RABEP1: variants seen among roughly 807,000 people sequenced by gnomAD.
RABEP1 encodes rab GTPase-binding effector protein 1.
RABEP1 carries 51 observed loss-of-function variants against 123.4 expected under a neutral mutation model. That is an observed-to-expected ratio of 0.41 (90% CI 0.33 to 0.52). RABEP1 has a LOEUF of 0.52. Among genes scored for constraint, RABEP1 ranks in the 20% least tolerant of loss-of-function variants. RABEP1 has a pLI of 0.16. For missense variants in RABEP1, 888 were observed against 996.3 expected (o/e 0.89, Z 1.46); for synonymous variants, 347 against 355.2 (o/e 0.98, Z 0.26).
chr17:5,339,504 G>C (rs1567532187), intron 5 of RABEP1, among the ~76,000 whole-genome samples: 2 of 151,994 alleles, frequency 1.3e-5, no homozygotes, highest in Admixed American at 6.6e-5. Context: ...GTGAGACTCT[G>C]TCTTAAAAGA....
intron 9 of RABEP1, 57 bp from the exon 10 acceptor site, chr17:5,362,855 C>T: frequency 1.7e-6 from 2 of 1,145,940 alleles, no homozygotes; most frequent in Non-Finnish European, 2.6e-6. Flanking sequence ...ACGTGTACCT[C>T]AAGTGTGTGA....
At chr17:5,335,937 A>G (rs1907037679) in intron 4 of RABEP1, among the ~76,000 whole-genome samples, 1 of 151,952 alleles carries the variant, frequency 6.6e-6, no homozygotes, top group South Asian at 2.1e-4. Flanking sequence ...TTTAGAATAG[A>G]TGTTAGTTTT....
chr17:5,377,590 G>T (rs911261653), intron 14 of RABEP1, among the ~76,000 whole-genome samples: 2 of 145,716 alleles, frequency 1.4e-5, no homozygotes, highest in East Asian at 2.0e-4. Flanking sequence ...GCAATGGCGC[G>T]ATCTTGGCTC....
intron 6 of RABEP1, among the ~76,000 whole-genome samples, chr17:5,347,914 A>T (rs1294351633): frequency 6.6e-6 from 1 of 152,220 alleles, no homozygotes; most frequent in African/African-American, 2.4e-5. Context: ...AAAGTATCCG[A>T]GAAGGTTAAT....
intron 1 of RABEP1, 58 bp downstream of exon 1, chr17:5,282,578 G>C (rs1284529319): frequency 9.1e-7 from 1 of 1,100,194 alleles, no homozygotes; most frequent in Non-Finnish European, 1.1e-6. Flanking sequence ...TCGGCGTCGC[G>C]GGAGGATTTC....
intron 4 of RABEP1, among the ~76,000 whole-genome samples, chr17:5,337,327 C>T (rs776050586): frequency 1.3e-5 from 2 of 152,140 alleles, no homozygotes; most frequent in Non-Finnish European, 2.9e-5. Flanking sequence ...AAAATGTAAT[C>T]AGCCCTTTCA....
chr17:5,365,266 C>T (rs533929834), intron 11 of RABEP1, 28 bp downstream of exon 11: 1 of 1,405,286 alleles, frequency 7.1e-7, no homozygotes, highest in South Asian at 1.4e-5. Context: ...GACTGTGGCC[C>T]ATGAGGGATG....
intron 3 of RABEP1, among the ~76,000 whole-genome samples, chr17:5,334,050 G>GTT (rs574483910): frequency 1.9e-4 from 26 of 138,754 alleles, no homozygotes; most frequent in Non-Finnish European, 2.2e-4. Context: ...TTACCTAGTG[G>GTT]TTTTTTTTTT....
At chr17:5,319,479 G>A (rs2075332539) in intron 2 of RABEP1, among the ~76,000 whole-genome samples, 1 of 151,688 alleles carries the variant, frequency 6.6e-6, no homozygotes. Context: ...TGATTTTCCT[G>A]CCTCAGTCTC....
At chr17:5,311,879 CAT>C (rs939675937) in intron 2 of RABEP1, among the ~76,000 whole-genome samples, 3 of 151,978 alleles carry the variant, frequency 2.0e-5, no homozygotes, top group African/African-American at 7.3e-5. Context: ...TTTTTTTAAA[CAT>C]ATAAATGCCA....
chr17:5,285,412 A>G (rs1409594568), intron 1 of RABEP1, among the ~76,000 whole-genome samples: 1 of 151,546 alleles, frequency 6.6e-6, no homozygotes, highest in African/African-American at 2.4e-5. Context: ...GATTACAGGC[A>G]TGAGCAACTG....
At chr17:5,337,520 C>G (rs1907207715) in intron 4 of RABEP1, among the ~76,000 whole-genome samples, 1 of 151,680 alleles carries the variant, frequency 6.6e-6, no homozygotes, top group African/African-American at 2.4e-5. Flanking sequence ...CCTGTCTCTA[C>G]TAAAAATAAT....
intron 12 of RABEP1, among the ~76,000 whole-genome samples, chr17:5,369,327 A>G (rs1378587932): frequency 3.3e-5 from 5 of 152,022 alleles, no homozygotes; most frequent in Non-Finnish European, 7.4e-5. Context: ...TCCTTTCTCA[A>G]AGTTGGAGCC....
chr17:5,378,281 A>T (rs746100263), intron 15 of RABEP1, 49 bp downstream of exon 15: 1 of 1,433,978 alleles, frequency 7.0e-7, no homozygotes, highest in Non-Finnish European at 9.8e-7. Context: ...GTGGTTATTT[A>T]CTGACTCCTA....
At chr17:5,302,076 G>C (rs1443805085) in intron 1 of RABEP1, among the ~76,000 whole-genome samples, 2 of 152,066 alleles carry the variant, frequency 1.3e-5, no homozygotes, top group Non-Finnish European at 2.9e-5. Context: ...AGTTTAGTTT[G>C]AAGGGTGAGC....
At chr17:5,299,102 T>C (rs1287780236) in intron 1 of RABEP1, among the ~76,000 whole-genome samples, 1 of 152,222 alleles carries the variant, frequency 6.6e-6, no homozygotes, top group African/African-American at 2.4e-5. Flanking sequence ...TCCCCAGTTG[T>C]CGTGCGCACT....
chr17:5,370,612 T>C (rs1910450998), intron 12 of RABEP1, among the ~76,000 whole-genome samples: 1 of 152,214 alleles, frequency 6.6e-6, no homozygotes, highest in Non-Finnish European at 1.5e-5. Context: ...TGTCTGATTA[T>C]CTCCTTGTGA....
At chr17:5,374,663 G>A (rs1211122168) in intron 13 of RABEP1, among the ~76,000 whole-genome samples, 1 of 147,410 alleles carries the variant, frequency 6.8e-6, no homozygotes, top group African/African-American at 2.6e-5. Flanking sequence ...TTTTTGAGAT[G>A]GAGTCTTGCT....
chr17:5,282,558 C>T, intron 1 of RABEP1, 38 bp downstream of exon 1: 1 of 1,151,564 alleles, frequency 8.7e-7, no homozygotes, highest in African/African-American at 1.6e-5. Flanking sequence ...CGGGCGCGGC[C>T]TGCCCGGCGT....
Sources: gnomAD v4.1 joint callset for allele counts (sites outside exome capture counted in the v4.1 genomes callset) on GRCh38, gnomAD v4.1.1 for gene constraint, MANE v1.5 for transcripts, NCBI Gene and HGNC (gene_info 2026-07-23, HGNC 2026-07-21) for gene names.